The following PTPRD variants were observed in gnomAD, a reference collection of about 807,000 sequenced individuals.
PTPRD encodes protein tyrosine phosphatase receptor type D, also known as receptor-type tyrosine-protein phosphatase delta.
A neutral mutation model predicts 214.5 loss-of-function variants in PTPRD; 34 were observed. The observed-to-expected ratio is 0.16, with a 90% CI of 0.12 to 0.21. The LOEUF (loss-of-function observed/expected upper bound fraction) is 0.21, where lower values mean the gene tolerates loss of function less well. Among genes scored for constraint, PTPRD ranks in the 10% least tolerant of loss-of-function variants. The pLI is 1.00. For synonymous variants in PTPRD, 1,128 were observed against 845.7 expected, an observed-to-expected ratio of 1.33 and a Z score of -5.79; for missense variants, 2,545 against 2,398.7, an observed-to-expected ratio of 1.06 and a Z score of -1.27.
chr9:10,280,152 G>C (rs2095013236), intron 3 of PTPRD, among the ~76,000 whole-genome samples: 1 of 151,964 alleles, frequency 6.6e-6, no homozygotes. Flanking sequence ...GAAAAGCCTA[G>C]ATTTTTTTTG....
intron 11 of PTPRD, among the ~76,000 whole-genome samples, chr9:8,902,855 C>A (rs758823491): frequency 6.6e-6 from 1 of 152,006 alleles, no homozygotes; most frequent in African/African-American, 2.4e-5. Flanking sequence ...AATCATCATT[C>A]GAAGGTAATC....
chr9:9,413,293 T>C (rs1186209902), intron 8 of PTPRD, among the ~76,000 whole-genome samples: 1 of 149,158 alleles, frequency 6.7e-6, no homozygotes, highest in East Asian at 2.0e-4. Context: ...TTTTTGTATT[T>C]TTAGTAGAGA....
chr9:9,924,257 G>A (rs1214131627), intron 5 of PTPRD, among the ~76,000 whole-genome samples: 3 of 151,824 alleles, frequency 2.0e-5, no homozygotes, highest in Non-Finnish European at 4.4e-5. Flanking sequence ...GATAAATCAA[G>A]ATAATAATAC....
At chr9:10,509,404 CTTG>C (rs1258362666) in intron 2 of PTPRD, among the ~76,000 whole-genome samples, 1 of 151,080 alleles carries the variant, frequency 6.6e-6, no homozygotes, top group African/African-American at 2.4e-5. Context: ...TTTTACTCCT[CTTG>C]TTGTTTCAGC....
At chr9:8,340,738 T>C (rs28695516) in intron 41 of PTPRD, among the ~76,000 whole-genome samples, 7,435 of 148,496 alleles carry the variant, frequency 0.05, 578 homozygotes, top group African/African-American at 0.17. Flanking sequence ...CTCAATTTCA[T>C]TGTCATACAA....
chr9:8,911,691 A>T (rs1566960004), intron 11 of PTPRD, among the ~76,000 whole-genome samples: 1 of 151,954 alleles, frequency 6.6e-6, no homozygotes, highest in Non-Finnish European at 1.5e-5. Context: ...GCAAAATTTA[A>T]TTTTTTTTCT....
intron 39 of PTPRD, among the ~76,000 whole-genome samples, chr9:8,367,228 AT>A (rs60513294): frequency 0.055 from 8,276 of 150,788 alleles, 725 homozygotes; most frequent in African/African-American, 0.19. Flanking sequence ...TCAAATAAGC[AT>A]TTTTTTTTTA....
intron 10 of PTPRD, among the ~76,000 whole-genome samples, chr9:9,108,534 A>G (rs1161521601): frequency 6.6e-6 from 1 of 152,158 alleles, no homozygotes; most frequent in Non-Finnish European, 1.5e-5. Flanking sequence ...TCCTCTATGT[A>G]GTGACTCACG....
At chr9:9,262,215 A>G (rs2099980445) in intron 9 of PTPRD, among the ~76,000 whole-genome samples, 1 of 151,468 alleles carries the variant, frequency 6.6e-6, no homozygotes, top group South Asian at 2.1e-4. Flanking sequence ...CATGCTGTCT[A>G]GTAAAAATAT....
At chr9:9,799,034 T>C (rs1041116647) in intron 5 of PTPRD, among the ~76,000 whole-genome samples, 1 of 152,210 alleles carries the variant, frequency 6.6e-6, no homozygotes, top group African/African-American at 2.4e-5. Context: ...CAGAACATTA[T>C]TCCTGTTATT....
At chr9:10,189,252 G>A (rs2099351849) in intron 3 of PTPRD, among the ~76,000 whole-genome samples, 1 of 152,128 alleles carries the variant, frequency 6.6e-6, no homozygotes, top group Non-Finnish European at 1.5e-5. Context: ...TTGCCCTGCT[G>A]CCACTTTTAG....
At chr9:9,139,544 C>T (rs1156681946) in intron 10 of PTPRD, among the ~76,000 whole-genome samples, 5 of 152,014 alleles carry the variant, frequency 3.3e-5, no homozygotes, top group African/African-American at 7.2e-5. Context: ...TGTGATACCG[C>T]GACAGTCGAG....
Position 9,487,445 on chromosome 9 carries a change from T to G in PTPRD, c.-237+87287A>C, listed in dbSNP as rs192029780. On this transcript the variant is annotated intron_variant, in intron 8 of 45. Coordinates refer to ENST00000381196, the MANE Select transcript of PTPRD (RefSeq NM_002839.4). ...ATGGTGTATATGTGCCACATTTTCT[T>G]AATCCAGTCTATCATTGTTGGATAT... is the stretch of plus-strand genomic sequence containing the variant. 1.0e-3 allele frequency among the ~76,000 whole-genome samples: 152 copies of G among 152,282 alleles called. 3 individuals are homozygous for G. Among genetic ancestry groups the G allele is most frequent in the African/African-American group, 3.5e-3 (144 of 41,560 alleles).
chr9:10,356,038 A>C (rs907325617), intron 2 of PTPRD, among the ~76,000 whole-genome samples: 5 of 152,164 alleles, frequency 3.3e-5, no homozygotes, highest in African/African-American at 1.2e-4. Flanking sequence ...TAACATTCCA[A>C]ATTTTTAGTT....
intron 2 of PTPRD, among the ~76,000 whole-genome samples, chr9:10,578,541 C>T (rs2070414834): frequency 6.6e-6 from 1 of 152,076 alleles, no homozygotes; most frequent in South Asian, 2.1e-4. Context: ...ACCTAGTCTT[C>T]TTCGTTATGC....
intron 9 of PTPRD, among the ~76,000 whole-genome samples, chr9:9,192,006 C>CTGTA (rs1203871013): frequency 6.6e-6 from 1 of 151,922 alleles, no homozygotes; most frequent in Non-Finnish European, 1.5e-5. Context: ...AAATAGCTAA[C>CTGTA]CCAATTCCTG....
intron 5 of PTPRD, among the ~76,000 whole-genome samples, chr9:9,784,801 CTA>C (rs763197585): frequency 6.7e-6 from 1 of 150,110 alleles, no homozygotes; most frequent in Non-Finnish European, 1.5e-5. Context: ...ATGTTTATAT[CTA>C]TATCATAAAA....
chr9:10,122,070 G>C (rs1247621287), intron 3 of PTPRD, among the ~76,000 whole-genome samples: 1 of 152,192 alleles, frequency 6.6e-6, no homozygotes, highest in Non-Finnish European at 1.5e-5. Context: ...CATTGTGGGA[G>C]GTCAAGGCAG....
In PTPRD at chr9:9,371,481, C is replaced by T. The variant is rs200660795; in HGVS notation, c.-203+25968G>A. ...ATATCCCCTTTATCATTTTTTATTG[C>T]GTCTATTTGATTCTTCTCTCTTTTC... On this transcript the variant is annotated intron_variant, in intron 9 of 45. Transcript: ENST00000381196. Among the ~76,000 whole-genome samples, 13 of 151,964 alleles carry T rather than the reference C, an allele frequency of 8.6e-5. No homozygotes were observed. In the East Asian group the frequency reaches 1.4e-3, roughly 16 times the overall value.
Sources: allele counts gnomAD v4.1 joint callset (sites outside exome capture counted in the v4.1 genomes callset), GRCh38; gene constraint gnomAD v4.1.1; transcripts MANE v1.5; gene names NCBI Gene and HGNC (gene_info 2026-07-23, HGNC 2026-07-21).